Variants in ZBTB8OS observed in about 807,000 individuals in gnomAD.
The protein encoded by ZBTB8OS is tRNA splicing ligase complex subunit 1, also known as tRNA-splicing ligase-activating factor archease.
In ZBTB8OS, 16 loss-of-function variants were observed where a neutral mutation model predicts 29.3. That is an observed-to-expected ratio of 0.55 (90% CI 0.37 to 0.83). ZBTB8OS has a LOEUF of 0.83. Among genes scored for constraint, ZBTB8OS ranks in the 40% least tolerant of loss-of-function variants. The pLI is 0.00. For synonymous variants in ZBTB8OS, 70 were observed against 64.6 expected, an observed-to-expected ratio of 1.08 and a Z score of -0.40; for missense variants, 160 against 196.9, an observed-to-expected ratio of 0.81 and a Z score of 1.12.
At chr1:32,633,544 AT>A (rs1645733583) in intron 4 of ZBTB8OS, 100 bp downstream of exon 4, 1 of 830,032 alleles carries the variant, frequency 1.2e-6, no homozygotes, top group Non-Finnish European at 1.9e-6. Flanking sequence ...ATTTGTATGG[AT>A]TGGTTTTGTT....
intron 1 of ZBTB8OS, chr1:32,640,002 A>T (rs1646273560): frequency 1.3e-5 from 2 of 152,208 alleles, no homozygotes; most frequent in Non-Finnish European, 2.9e-5. Context: ...AACCAGTTAT[A>T]CATTTCTTTG....
Position 32,621,409 on chromosome 1 carries a change from AAAAAAAAG to A in ZBTB8OS, c.*445_*452del, listed in dbSNP as rs1487307919. 2.0e-5 allele frequency: 3 copies of A among 153,740 alleles called. No homozygotes were observed. Among genetic ancestry groups the A allele is most frequent in the African/African-American group, 4.8e-5 (2 of 41,444 alleles). 9.5% of individuals were successfully genotyped at this position (153,740 alleles called of 1,614,324 possible). ...GCGAGACTCCGTCTCAAAAAAAAAAAAAAAAAAGAAACAAAATATATGTCTTAACCAAC... is the reference window on the plus strand; with the variant it reads ...GCGAGACTCCGTCTCAAAAAAAAAAAAAACAAAATATATGTCTTAACCAAC... On this transcript the variant is annotated 3_prime_UTR_variant, in exon 7 of 7. Coordinates refer to ENST00000468695, the MANE Select transcript of ZBTB8OS (RefSeq NM_178547.5).
In ZBTB8OS at chr1:32,634,080, A is replaced by G. The variant is rs199915014; in HGVS notation, c.123-8T>C. ...TCTCCCCATGCGTGTAACCTAAAGA[A>G]GTATATTCATGCTCTGTGTAATACA... On this transcript the variant is annotated splice_polypyrimidine_tract_variant and splice_region_variant and intron_variant, in intron 2 of 6. Coordinates refer to ENST00000468695, the MANE Select transcript of ZBTB8OS (RefSeq NM_178547.5). The G allele has an allele frequency of 4.9e-5, 76 of 1,545,810 alleles. No individual in the cohort carries two copies. The Middle Eastern group carries it at 6.9e-4, about 14-fold the overall frequency.
At chr1:32,638,162 A>C (rs1391066523) in intron 1 of ZBTB8OS, among the ~76,000 whole-genome samples, 2 of 151,678 alleles carry the variant, frequency 1.3e-5, no homozygotes, top group Admixed American at 6.6e-5. Flanking sequence ...TTAAAAAAAA[A>C]TCAATTTAAA....
At chr1:32,628,028 G>A (rs1446940500) in intron 5 of ZBTB8OS, among the ~76,000 whole-genome samples, 1 of 151,546 alleles carries the variant, frequency 6.6e-6, no homozygotes. Flanking sequence ...TGGGTGTCAG[G>A]GCAAGACTGT....
intron 2 of ZBTB8OS, chr1:32,634,453 C>T: frequency 2.4e-6 from 1 of 414,744 alleles, no homozygotes; most frequent in Admixed American, 3.7e-5. Context: ...TCTCGAACTC[C>T]TGACCTCATG....
Position 32,621,966 on chromosome 1 carries a change from GAAAA to G in ZBTB8OS, c.418-22_418-19del, listed in dbSNP as rs78907409. 953 of 916,108 alleles carry G rather than the reference GAAAA, an allele frequency of 1.0e-3. No individual in the cohort carries two copies. Among genetic ancestry groups the G allele is most frequent in the African/African-American group, 3.7e-3 (152 of 41,488 alleles). 56.7% of individuals were successfully genotyped at this position (916,108 alleles called of 1,614,324 possible). A position where few individuals can be genotyped will look rare whatever the true frequency, so the allele number is the denominator to read the frequency against. On this transcript the variant is annotated intron_variant, in intron 6 of 6. Coordinates refer to ENST00000468695, the MANE Select transcript of ZBTB8OS (RefSeq NM_178547.5). ...TCTGTTCCCTAAAGTTGGGGTTAGAGAAAAAAAAAAAAAAAAGGAAAATAGGATA... is the reference window on the plus strand; with the variant it reads ...TCTGTTCCCTAAAGTTGGGGTTAGAGAAAAAAAAAAAAGGAAAATAGGATA...
At chr1:32,622,943 A>C (rs1434507886) in intron 6 of ZBTB8OS, among the ~76,000 whole-genome samples, 1 of 152,076 alleles carries the variant, frequency 6.6e-6, no homozygotes, top group East Asian at 1.9e-4. Context: ...TTCTCTTTCC[A>C]AGTCTAGCTG....
At chr1:32,621,991 G>T (rs1644788239) in intron 6 of ZBTB8OS, 43 bp from the exon 7 acceptor site, 1 of 1,276,960 alleles carries the variant, frequency 7.8e-7, no homozygotes, top group Non-Finnish European at 1.1e-6. Context: ...AAGGAAAATA[G>T]GATATTGAAA....
intron 1 of ZBTB8OS, 61 bp downstream of exon 1, chr1:32,650,372 G>C (rs1473431817): frequency 6.2e-7 from 1 of 1,603,120 alleles, no homozygotes; most frequent in African/African-American, 1.3e-5. Flanking sequence ...GGAAGCCGCG[G>C]GTAAGGAGAG....
At chr1:32,645,993 G>C (rs529780960) in intron 1 of ZBTB8OS, among the ~76,000 whole-genome samples, 4 of 152,056 alleles carry the variant, frequency 2.6e-5, no homozygotes, top group Non-Finnish European at 5.9e-5. Flanking sequence ...TATGACACGG[G>C]CACTCTTCTA....
intron 6 of ZBTB8OS, among the ~76,000 whole-genome samples, chr1:32,626,403 C>T (rs575299743): frequency 1.3e-5 from 2 of 152,216 alleles, no homozygotes; most frequent in African/African-American, 2.4e-5. Flanking sequence ...AGATGCATTT[C>T]TCAGAATGTA....
At chr1:32,642,247 T>C (rs1017668261) in intron 1 of ZBTB8OS, among the ~76,000 whole-genome samples, 2 of 152,174 alleles carry the variant, frequency 1.3e-5, no homozygotes, top group Admixed American at 6.6e-5. Context: ...TTCATACCTG[T>C]AATCCCAGCA....
chr1:32,646,255 G>A (rs546391244), intron 1 of ZBTB8OS, among the ~76,000 whole-genome samples: 5 of 151,840 alleles, frequency 3.3e-5, no homozygotes, highest in African/African-American at 4.8e-5. Context: ...GGAGGCAGAG[G>A]TTGTAGTGAG....
intron 6 of ZBTB8OS, among the ~76,000 whole-genome samples, chr1:32,626,559 TA>T (rs1402848244): frequency 2.0e-5 from 3 of 152,176 alleles, no homozygotes; most frequent in Non-Finnish European, 2.9e-5. Flanking sequence ...ACTTTTATTT[TA>T]TTTTTTTGAG....
intron 1 of ZBTB8OS, among the ~76,000 whole-genome samples, chr1:32,647,996 A>G (rs1359361071): frequency 6.6e-6 from 1 of 152,130 alleles, no homozygotes; most frequent in Non-Finnish European, 1.5e-5. Flanking sequence ...TGCATTGCAT[A>G]AAAACACTTT....
In ZBTB8OS at chr1:32,650,380, G is replaced by A. The variant is rs1365752124; in HGVS notation, c.97+53C>T. 29 of 1,608,712 alleles carry A rather than the reference G, an allele frequency of 1.8e-5. No homozygotes were observed. The East Asian group carries it at 6.2e-4, about 35-fold the overall frequency. ...AGCAGCAGGAAGCCGCGGGTAAGGA[G>A]AGGGGATGCCTGTGTGCTTACATGT... On this transcript the variant is annotated intron_variant, in intron 1 of 6. Transcript: ENST00000468695.
chr1:32,643,525 T>G (rs1183270677), intron 1 of ZBTB8OS, among the ~76,000 whole-genome samples: 1 of 151,176 alleles, frequency 6.6e-6, no homozygotes, highest in Non-Finnish European at 1.5e-5. Context: ...TCTAGGTAGC[T>G]GGGACTGTGG....
intron 6 of ZBTB8OS, among the ~76,000 whole-genome samples, chr1:32,624,221 A>C (rs1351510134): frequency 6.6e-6 from 1 of 152,070 alleles, no homozygotes; most frequent in Non-Finnish European, 1.5e-5. Flanking sequence ...TAATAAACAT[A>C]TATTTTCTGA....
Sources: allele counts gnomAD v4.1 joint callset (sites outside exome capture counted in the v4.1 genomes callset), GRCh38; gene constraint gnomAD v4.1.1; transcripts MANE v1.5; gene names NCBI Gene and HGNC (gene_info 2026-07-23, HGNC 2026-07-21).